NR1H2: variants seen among roughly 807,000 people sequenced by gnomAD.
NR1H2 encodes the protein oxysterols receptor LXR-beta.
NR1H2 carries 33 observed loss-of-function variants against 51.2 expected under a neutral mutation model. That is an observed-to-expected ratio of 0.64 (90% confidence interval 0.49 to 0.86). NR1H2 has a LOEUF of 0.86. Ranked by LOEUF, NR1H2 falls within the 40% of genes least tolerant of loss-of-function variation. NR1H2 has a pLI of 0.00. For missense variants in NR1H2, 592 were observed against 639.9 expected (o/e 0.93, Z 0.81); for synonymous variants, 310 against 264.3 (o/e 1.17, Z -1.68).
rs998111662 is a variant in NR1H2, at chr19:50,379,662, G to A, written c.928-118G>A. On this transcript the variant is annotated intron_variant, in intron 7 of 9. Transcript: ENST00000253727. ...ACGCTGGTGTGGCTGAGAGAACAGG[G>A]GGGAAGGGGACAAGGGATAATCCTG... 1.1e-5 allele frequency: 8 copies of A among 701,864 alleles called. No individual in the cohort carries two copies. In the Admixed American group the frequency reaches 1.4e-4, roughly 13 times the overall value. 43.5% of individuals were successfully genotyped at this position (701,864 alleles called of 1,614,324 possible). A position where few individuals can be genotyped will look rare whatever the true frequency, so the allele number is the denominator to read the frequency against.
intron 7 of NR1H2, 128 bp from the exon 8 acceptor site, chr19:50,379,652 A>C: frequency 1.5e-6 from 1 of 676,336 alleles, no homozygotes; most frequent in Non-Finnish European, 2.7e-6. Context: ...GGTGTGGCTG[A>C]GAGAACAGGG....
At chr19:50,382,259 C>A in intron 9 of NR1H2, 85 bp downstream of exon 9, 1 of 1,365,290 alleles carries the variant, frequency 7.3e-7, no homozygotes, top group Non-Finnish European at 9.8e-7. Flanking sequence ...GCCAGCCACA[C>A]TGCCCTCCCC....
chr19:50,379,630 T>C (rs1336378158), intron 7 of NR1H2, 150 bp from the exon 8 acceptor site: 6 of 644,230 alleles, frequency 9.3e-6, no homozygotes, highest in South Asian at 1.7e-5. Flanking sequence ...TCTCACGTGA[T>C]GGCTGCACGC....
intron 4 of NR1H2, 100 bp from the exon 5 acceptor site, chr19:50,378,049 C>G (rs2037697981): frequency 2.1e-6 from 3 of 1,428,346 alleles, no homozygotes; most frequent in Non-Finnish European, 2.8e-6. Context: ...CTCTCTCCCT[C>G]CATCCTCTGG....
At chr19:50,379,661 G>A (rs2303045) in intron 7 of NR1H2, 119 bp from the exon 8 acceptor site, 41 of 693,770 alleles carry the variant, frequency 5.9e-5, no homozygotes, top group Admixed American at 1.4e-4. Context: ...GAGAGAACAG[G>A]GGGGAAGGGG....
At chr19:50,378,046 C>T (rs998717607) in intron 4 of NR1H2, 103 bp from the exon 5 acceptor site, 130 of 1,419,480 alleles carry the variant, frequency 9.2e-5, no homozygotes, top group Non-Finnish European at 1.2e-4. Context: ...CTCCTCTCTC[C>T]CTCCATCCTC....
rs1305616584 is a variant in NR1H2 at position 50,378,163 on chromosome 19, G to A, written c.196G>A (p.Glu66Lys). The A allele has an allele frequency of 5.0e-6, 8 of 1,609,370 alleles. No homozygotes were observed. Among genetic ancestry groups the A allele is most frequent in the East Asian group, 2.2e-5 (1 of 44,730 alleles). Residue 66 changes from glutamate (E) to lysine (K), a missense_variant, in exon 5 of 10, where the codon GAA (glutamate) becomes AAA (lysine). By Grantham distance (56) the Glu-to-Lys change is moderately conservative. Around this residue, in one of 3 missense-constraint regions of NR1H2, gnomAD observed 316 missense variants for 313.4 expected, o/e 1.01. Transcript: ENST00000253727. ...ACCCACCCCAGTCATCCCAGATCCCGAAGAGGAACCAGAGCGCAAGCGAAA... is the reference window on the plus strand; with the variant it reads ...ACCCACCCCAGTCATCCCAGATCCCAAAGAGGAACCAGAGCGCAAGCGAAA... ...CSTDWVIPDPEEEPERKRKKG... is the reference protein window; with the variant it reads ...CSTDWVIPDPKEEPERKRKKG...
At position 50,378,734 on chromosome 19, in the gene NR1H2, C is replaced by T; in HGVS notation, c.685C>T (p.Gln229Ter). The T allele has an allele frequency of 6.2e-7, 1 of 1,613,872 alleles. No homozygotes were observed. ...AGCGGCTCAAGAACTAATGATCCAG[C>T]AGTTGGTGGCGGCCCAACTGCAGTG... ...LTAAQELMIQ[Q>*]LVAAQLQCNK... The change falls in exon 6 of 10, where the codon CAG becomes TAG. Residue 229 changes from glutamine (Q) to a stop codon, truncating the protein, a stop_gained. Transcript: ENST00000253727. LOFTEE classifies it high-confidence loss of function.
At position 50,379,140 on chromosome 19, in the gene NR1H2, C is replaced by T. The variant is rs1030574539; in HGVS notation, c.886C>T (p.Arg296Trp). The T allele has an allele frequency of 1.2e-5, 19 of 1,613,682 alleles. No individual in the cohort carries two copies. The highest frequency in any genetic ancestry group is 2.2e-5 in the East Asian group (1 of 44,894). The stretch of plus-strand genomic sequence containing the variant: ...AGTGCCTGGTTTCCTGCAGCTGGGC[C>T]GGGAGGACCAGATCGCCCTCCTGAA... ...KQVPGFLQLG[R>W]EDQIALLKAS... is the part of the protein sequence containing the mutation. Residue 296 changes from arginine (R) to tryptophan (W), a missense_variant, in exon 7 of 10, where the codon CGG becomes TGG. This residue lies in a region of NR1H2 where 102 missense variants were observed against 152.4 expected (regional missense o/e 0.67). Transcript: ENST00000253727.
Position 50,379,034 on chromosome 19 carries a change from A to C in NR1H2, c.780A>C (p.Arg260=). Residue 260 remains arginine (R), a synonymous_variant, in exon 7 of 10, where the codon CGA becomes CGC. Transcript: ENST00000253727. The part of the protein sequence containing the change: ...PWPLGADPQS[R]DARQQRFAHF... Reference sequence around the variant, plus strand: ...CCCTGGGCGCAGACCCCCAGTCCCGAGATGCCCGCCAGCAACGCTTTGCCC... The same window carrying C: ...CCCTGGGCGCAGACCCCCAGTCCCGCGATGCCCGCCAGCAACGCTTTGCCC... The C allele has an allele frequency of 6.2e-7, 1 of 1,613,008 alleles. No individual in the cohort carries two copies. Among genetic ancestry groups the C allele is most frequent in the Non-Finnish European group, 8.5e-7 (1 of 1,179,760 alleles).
intron 2 of NR1H2, 180 bp from the exon 3 acceptor site, chr19:50,377,407 G>T (rs575586942): frequency 2.3e-5 from 12 of 532,422 alleles, no homozygotes; most frequent in Admixed American, 2.2e-4. Flanking sequence ...TGGAACAGAA[G>T]GGGGCAGGTC....
At chr19:50,382,426 C>T (rs2037789744) in intron 9 of NR1H2, 30 bp from the exon 10 acceptor site, 4 of 1,560,698 alleles carry the variant, frequency 2.6e-6, no homozygotes, top group South Asian at 2.3e-5. Flanking sequence ...GGCAGGGGCT[C>T]AGCCAGCGCC....
chr19:50,377,741 C>A lies in NR1H2; in HGVS notation c.52C>A (p.Pro18Thr). The change falls in exon 4 of 10, where the codon CCC (proline) becomes ACC (threonine). Residue 18 changes from proline (P) to threonine (T), a missense_variant. Physicochemically the swap from Pro to Thr is conservative, Grantham distance 38. Transcript: ENST00000253727. ...SLDTPLPGNG[P>T]PQPGAPSSSP... The stretch of plus-strand genomic sequence containing the variant: ...ATTCCACCCTCTTCCAGGAAATGGC[C>A]CCCCTCAGCCTGGCGCCCCTTCTTC... The A allele has an allele frequency of 6.2e-7, 1 of 1,605,436 alleles. No individual in the cohort carries two copies. The highest frequency in any genetic ancestry group is 1.7e-5 in the Admixed American group (1 of 58,420).
At position 50,379,055 on chromosome 19, in the gene NR1H2, T is replaced by C. The variant is rs376288627; in HGVS notation, c.801T>C (p.Phe267=). The C allele has an allele frequency of 1.5e-5, 25 of 1,613,824 alleles. No individual in the cohort carries two copies. Among genetic ancestry groups the C allele is most frequent in the Non-Finnish European group, 2.1e-5 (25 of 1,180,028 alleles). The change falls in exon 7 of 10, where the codon TTT becomes TTC. Residue 267 remains phenylalanine (F), a synonymous_variant. Transcript: ENST00000253727. ...CCCGAGATGCCCGCCAGCAACGCTT[T>C]GCCCACTTCACGGAGCTGGCCATCA... ...PQSRDARQQR[F]AHFTELAIIS...
Position 50,378,795 on chromosome 19 carries a change from C to T in NR1H2, c.746C>T (p.Thr249Met). Residue 249 changes from threonine to methionine, a missense_variant and splice_region_variant, in exon 6 of 10, where the codon ACG becomes ATG. Transcript: ENST00000253727. ...KRSFSDQPKV[T>M]PWPLGADPQS... ...TCCTTCTCCGACCAGCCCAAAGTCA[C>T]GGTACTGCCCCCTCCACAACCTTGA... 2 of 1,612,090 alleles carry T rather than the reference C, an allele frequency of 1.2e-6. No homozygotes were observed. The highest frequency in any genetic ancestry group is 1.7e-6 in the Non-Finnish European group (2 of 1,179,040).
chr19:50,377,301 G>A (rs1020075476), intron 2 of NR1H2: 1 of 397,848 alleles, frequency 2.5e-6, no homozygotes, highest in Non-Finnish European at 4.5e-6. Context: ...ATGATTAAAG[G>A]AGAATGGGCC....
intron 8 of NR1H2, among the ~76,000 whole-genome samples, chr19:50,380,960 C>G (rs2037756152): frequency 6.6e-6 from 1 of 152,190 alleles, no homozygotes; most frequent in African/African-American, 2.4e-5. Context: ...CTCCTCCGCT[C>G]AGAACCCTCC....
chr19:50,383,296 C>G lies in NR1H2; in HGVS notation c.*694C>G, dbSNP rs2037820726. Among the ~76,000 whole-genome samples the G allele has an allele frequency of 1.3e-5, 2 of 152,312 alleles. No homozygotes were observed. Among genetic ancestry groups the G allele is most frequent in the South Asian group, 2.1e-4 (1 of 4,832 alleles). On this transcript the variant is annotated 3_prime_UTR_variant, in exon 10 of 10. Coordinates refer to ENST00000253727, the MANE Select transcript of NR1H2 (RefSeq NM_007121.7). ...GGGACCTGGACTTCTGTCCGAACAA[C>G]AAGTGTTTGCTGAGGCCTCCTGTGG...
intron 8 of NR1H2, 36 bp from the exon 9 acceptor site, chr19:50,381,930 G>A (rs1389739716): frequency 6.6e-6 from 10 of 1,523,558 alleles, no homozygotes; most frequent in Non-Finnish European, 7.1e-6. Flanking sequence ...CACGGTTTCG[G>A]GCTGAGGGAG....
Sources: gnomAD v4.1 joint callset for allele counts (sites outside exome capture counted in the v4.1 genomes callset) on GRCh38, gnomAD v4.1.1 for gene constraint, gnomAD v4.1.1 regional missense constraint, MANE v1.5 for transcripts, NCBI Gene and HGNC (gene_info 2026-07-23, HGNC 2026-07-21) for gene names.